The following PRKCB variants were observed in gnomAD, a reference collection of about 807,000 sequenced individuals.
PRKCB encodes protein kinase C beta type.
A neutral mutation model predicts 81.5 loss-of-function variants in PRKCB; 13 were observed. The observed-to-expected ratio is 0.16, with a 90% CI of 0.10 to 0.25. The LOEUF (loss-of-function observed/expected upper bound fraction) is 0.25, where lower values mean the gene tolerates loss of function less well. PRKCB is among the 10% of genes least tolerant of loss of function. PRKCB has a pLI of 1.00. For synonymous variants in PRKCB, 335 were observed against 321.4 expected (o/e 1.04, Z -0.45); for missense variants, 509 against 875.7 (o/e 0.58, Z 5.29).
chr16:24,163,683 A>C (rs1967299462), intron 10 of PRKCB, among the ~76,000 whole-genome samples: 1 of 152,270 alleles, frequency 6.6e-6, no homozygotes. Flanking sequence ...ATACAGAGGA[A>C]GGGAAAGTTG....
chr16:23,890,715 C>A (rs1348624082), intron 2 of PRKCB, among the ~76,000 whole-genome samples: 1 of 152,194 alleles, frequency 6.6e-6, no homozygotes, highest in Non-Finnish European at 1.5e-5. Flanking sequence ...CTATGGGACA[C>A]TTCCTCCCCA....
intron 2 of PRKCB, among the ~76,000 whole-genome samples, chr16:23,941,207 T>A (rs917834956): frequency 1.6e-4 from 25 of 152,230 alleles, no homozygotes; most frequent in African/African-American, 5.8e-4. Flanking sequence ...AGCATGGCTG[T>A]GTTCCAATAA....
intron 2 of PRKCB, among the ~76,000 whole-genome samples, chr16:23,840,232 C>T (rs13333753): frequency 0.02 from 3,090 of 152,198 alleles, 89 homozygotes; most frequent in African/African-American, 0.07. Flanking sequence ...AATCCACTTA[C>T]GATGGAATCA....
chr16:24,124,323 T>A (rs1311971165), intron 9 of PRKCB, among the ~76,000 whole-genome samples: 2 of 152,028 alleles, frequency 1.3e-5, no homozygotes, highest in Admixed American at 1.3e-4. Context: ...CTAGGAACCA[T>A]CAGAAGGTGT....
intron 2 of PRKCB, among the ~76,000 whole-genome samples, chr16:23,885,588 T>C (rs1182610954): frequency 6.7e-6 from 1 of 150,308 alleles, no homozygotes; most frequent in African/African-American, 2.5e-5. Context: ...ATTACAGGCA[T>C]GAGCCACTGT....
At chr16:24,014,185 T>C (rs2141839555) in intron 3 of PRKCB, among the ~76,000 whole-genome samples, 1 of 152,100 alleles carries the variant, frequency 6.6e-6, no homozygotes, top group South Asian at 2.1e-4. Flanking sequence ...TCTTATGTTG[T>C]GATCTTGCAT....
intron 3 of PRKCB, among the ~76,000 whole-genome samples, chr16:23,989,524 A>T (rs1278820369): frequency 6.6e-6 from 1 of 152,210 alleles, no homozygotes. Flanking sequence ...TTTTGTTTTA[A>T]TCATTATAAA....
chr16:24,042,576 A>C (rs572515429), intron 5 of PRKCB, among the ~76,000 whole-genome samples: 11 of 152,252 alleles, frequency 7.2e-5, no homozygotes, highest in Admixed American at 1.3e-4. Flanking sequence ...TCCATCCATC[A>C]ATCTGTCTTA....
In PRKCB at chr16:24,168,714, C is replaced by CTTTTTTT. The variant is rs1323903107; in HGVS notation, c.1240-3555_1240-3554insTTTTTTT. Among the ~76,000 whole-genome samples the CTTTTTTT allele has an allele frequency of 1.7e-5, 2 of 120,850 alleles. 1 individual carries two copies. Among genetic ancestry groups the CTTTTTTT allele is most frequent in the African/African-American group, 6.2e-5 (2 of 32,382 alleles). The allele number at this position is 120,850 out of a possible 152,430, so 79.3% of individuals were successfully genotyped here. ...TACAGGTGCTCACCACCATGCCTGG[C>CTTTTTTT]TATTTTTTTTTTTTTTTTTTTTTTG... is the stretch of plus-strand genomic sequence containing the variant. On this transcript the variant is annotated intron_variant, in intron 10 of 16. Coordinates refer to ENST00000643927, the MANE Select transcript of PRKCB (RefSeq NM_002738.7).
At chr16:24,111,271 C>G (rs576165745) in intron 7 of PRKCB, 1 of 152,240 alleles carries the variant, frequency 6.6e-6, no homozygotes, top group East Asian at 1.9e-4. Context: ...TTGGAAGCTG[C>G]GTAAGAAGAT....
chr16:24,013,505 G>T (rs1965232920), intron 3 of PRKCB, among the ~76,000 whole-genome samples: 1 of 152,122 alleles, frequency 6.6e-6, no homozygotes, highest in Non-Finnish European at 1.5e-5. Context: ...TGTTTTACAT[G>T]GTCGTTGAGG....
rs935373950 is a variant in PRKCB at position 23,993,501 on chromosome 16, G to A, written c.288+4911G>A. On this transcript the variant is annotated intron_variant, in intron 3 of 16. Transcript: ENST00000643927. ...AGAGTGGATTTGTCATTTAATACCCGCTCACCCATGCTGGGAAGGTCAGAC... is the reference window on the plus strand; with the variant it reads ...AGAGTGGATTTGTCATTTAATACCCACTCACCCATGCTGGGAAGGTCAGAC... 9.9e-5 allele frequency among the ~76,000 whole-genome samples: 15 copies of A among 152,220 alleles called. No individual in the cohort carries two copies. In the South Asian group the frequency reaches 2.1e-3, roughly 21 times the overall value.
chr16:24,147,367 G>C (rs949393475), intron 9 of PRKCB, among the ~76,000 whole-genome samples: 7 of 151,410 alleles, frequency 4.6e-5, no homozygotes, highest in Non-Finnish European at 1.0e-4. Context: ...CAAGCCACTT[G>C]ATGGAAGCAG....
At chr16:24,097,563 G>A (rs561091165) in intron 7 of PRKCB, among the ~76,000 whole-genome samples, 1 of 152,306 alleles carries the variant, frequency 6.6e-6, no homozygotes, top group Admixed American at 6.5e-5. Flanking sequence ...AAAAGTATCT[G>A]AGACAGATTT....
chr16:24,105,845 A>G, intron 7 of PRKCB, among the ~76,000 whole-genome samples: 1 of 152,186 alleles, frequency 6.6e-6, no homozygotes, highest in Non-Finnish European at 1.5e-5. Context: ...ATACATGTGC[A>G]TGTGTCTTTA....
Position 23,969,576 on chromosome 16 carries a change from G to A in PRKCB, c.206-18932G>A, listed in dbSNP as rs192476370. Among the ~76,000 whole-genome samples, 279 of 152,238 alleles carry A rather than the reference G, an allele frequency of 1.8e-3. 1 individual carries two copies. The highest frequency in any genetic ancestry group is 6.1e-3 in the African/African-American group (254 of 41,536). On this transcript the variant is annotated intron_variant, in intron 2 of 16. Coordinates refer to ENST00000643927, the MANE Select transcript of PRKCB (RefSeq NM_002738.7). ...AGTTTCTACCTCATTGGGTTCTGAG[G>A]ATTAAAATGAGTTAATCTACGTAAA...
At chr16:24,036,708 G>A (rs967207655) in intron 5 of PRKCB, among the ~76,000 whole-genome samples, 3 of 152,144 alleles carry the variant, frequency 2.0e-5, no homozygotes, top group African/African-American at 7.2e-5. Flanking sequence ...ATTGCATTAT[G>A]TTTTCCTCCA....
chr16:24,013,355 A>G (rs9889148), intron 3 of PRKCB, among the ~76,000 whole-genome samples: 3,071 of 152,292 alleles, frequency 0.02, 86 homozygotes, highest in African/African-American at 0.07. Flanking sequence ...CTTCTGCACC[A>G]ACCTAATATT....
In PRKCB at chr16:24,029,850, C is replaced by A. The variant is rs1057087319; in HGVS notation, c.289-2286C>A. Among the ~76,000 whole-genome samples, 34 of 152,082 alleles carry A rather than the reference C, an allele frequency of 2.2e-4. 1 individual carries two copies. The highest frequency in any genetic ancestry group is 7.7e-4 in the African/African-American group (32 of 41,396). ...CCAAAGGCTAGGGTGTCAGATCAGC[C>A]CTGGATTGGAACCTAAGGCCCATGT... On this transcript the variant is annotated intron_variant, in intron 3 of 16. Coordinates refer to ENST00000643927, the MANE Select transcript of PRKCB (RefSeq NM_002738.7).
Sources: gnomAD v4.1 joint callset for allele counts (sites outside exome capture counted in the v4.1 genomes callset) on GRCh38, gnomAD v4.1.1 for gene constraint, MANE v1.5 for transcripts, NCBI Gene and HGNC (gene_info 2026-07-23, HGNC 2026-07-21) for gene names.